SEC22C: variants seen among roughly 807,000 people sequenced by gnomAD.
SEC22C encodes the protein vesicle-trafficking protein SEC22c.
A neutral mutation model predicts 34.7 loss-of-function variants in SEC22C; 29 were observed. The ratio of observed to expected loss-of-function variants is 0.84; its 90% confidence interval spans 0.62 to 1.14. The LOEUF (loss-of-function observed/expected upper bound fraction) is 1.14, where lower values mean the gene tolerates loss of function less well. SEC22C is among the 50% of genes most tolerant of loss of function. The pLI is 0.00. For missense variants in SEC22C, 337 were observed against 369.0 expected, an observed-to-expected ratio of 0.91 and a Z score of 0.71; for synonymous variants, 117 against 132.8, an observed-to-expected ratio of 0.88 and a Z score of 0.82.
chr3:42,592,878 C>T (rs1301506528), intron 1 of SEC22C, among the ~76,000 whole-genome samples: 3 of 152,198 alleles, frequency 2.0e-5, no homozygotes, highest in Admixed American at 6.5e-5. Flanking sequence ...CCCCCCCCAC[C>T]GTAAACTTAT....
intron 1 of SEC22C, among the ~76,000 whole-genome samples, chr3:42,593,991 A>AG (rs760859825): frequency 1.3e-5 from 2 of 152,196 alleles, no homozygotes; most frequent in African/African-American, 4.8e-5. Flanking sequence ...GTGAGATCAG[A>AG]GGGGGACTGG....
chr3:42,553,978 G>C (rs141177148), intron 6 of SEC22C, among the ~76,000 whole-genome samples: 1 of 152,190 alleles, frequency 6.6e-6, no homozygotes, highest in East Asian at 1.9e-4. Context: ...CTCTGAGTCA[G>C]GGAAAGGTCT....
chr3:42,593,390 C>T (rs1298933866), intron 1 of SEC22C, among the ~76,000 whole-genome samples: 1 of 152,146 alleles, frequency 6.6e-6, no homozygotes, highest in Non-Finnish European at 1.5e-5. Context: ...GCACTCTAGC[C>T]TGGGTGACAG....
chr3:42,599,424 G>T (rs897300856), intron 1 of SEC22C, among the ~76,000 whole-genome samples: 9 of 151,420 alleles, frequency 5.9e-5, no homozygotes, highest in Admixed American at 1.3e-4. Context: ...CGGGCGCGGT[G>T]GCTCACGCCT....
chr3:42,586,066 C>G (rs1464431295), upstream of SEC22C, among the ~76,000 whole-genome samples: 1 of 152,208 alleles, frequency 6.6e-6, no homozygotes, highest in East Asian at 1.9e-4. Flanking sequence ...CCCCTCTCCC[C>G]TTTACAACCA....
At chr3:42,560,154 A>C (rs1295695712) in intron 4 of SEC22C, among the ~76,000 whole-genome samples, 1 of 145,362 alleles carries the variant, frequency 6.9e-6, no homozygotes. Context: ...TAATTGTTTT[A>C]TATATATTAT....
At position 42,553,054 on chromosome 3, in the gene SEC22C, G is replaced by A. The variant is rs1406134959; in HGVS notation, c.*194C>T. On this transcript the variant is annotated 3_prime_UTR_variant, in exon 7 of 7. Transcript: ENST00000264454. ...GGCTGGAGATCCTGCAGTAATGCTT[G>A]GCACAGAACCAAGGCTGGGTATCAA... 7.0e-7 allele frequency: 1 copy of A among 1,422,244 alleles called. No homozygotes were observed. The highest frequency in any genetic ancestry group is 2.6e-5 in the East Asian group (1 of 39,120). The allele number at this position is 1,422,244 out of a possible 1,614,324, so 88.1% of individuals were successfully genotyped here.
intron 3 of SEC22C, 70 bp downstream of exon 3, chr3:42,563,453 A>G: frequency 7.1e-7 from 1 of 1,403,456 alleles, no homozygotes; most frequent in Non-Finnish European, 9.8e-7. Flanking sequence ...TCAAAGCCAA[A>G]CCTAAACTGT....
intron 1 of SEC22C, chr3:42,590,980 C>A: frequency 1.5e-5 from 1 of 64,904 alleles, no homozygotes; most frequent in East Asian, 4.7e-4. Flanking sequence ...AGCATCCACG[C>A]GGGCGGGCGG....
chr3:42,569,290 T>C (rs1004513229), intron 1 of SEC22C, among the ~76,000 whole-genome samples: 1 of 152,208 alleles, frequency 6.6e-6, no homozygotes, highest in African/African-American at 2.4e-5. Flanking sequence ...GTAATTCTCT[T>C]TTTCTTTTTC....
Position 42,568,899 on chromosome 3 carries a change from G to A in SEC22C, c.148C>T (p.Arg50Ter), listed in dbSNP as rs775908304. The change falls in exon 2 of 7, where the codon CGA (arginine) becomes TGA (stop). Residue 50 changes from arginine (R) to a stop codon, truncating the protein, a stop_gained. Coordinates refer to ENST00000264454, the MANE Select transcript of SEC22C (RefSeq NM_032970.4). LOFTEE classifies it high-confidence loss of function. ...LALRLAQYPGRGSAEGCDFSI... is the reference protein window; with the variant it reads ...LALRLAQYPG ...AAGTCACAACCTTCTGCAGAACCTCGACCTGGATACTGGGCCAGTCGCAAG... is the reference window on the plus strand; with the variant it reads ...AAGTCACAACCTTCTGCAGAACCTCAACCTGGATACTGGGCCAGTCGCAAG... 8 of 1,614,090 alleles carry A rather than the reference G, an allele frequency of 5.0e-6. No individual in the cohort carries two copies. The highest frequency in any genetic ancestry group is 3.3e-5 in the South Asian group (3 of 91,072).
intron 1 of SEC22C, among the ~76,000 whole-genome samples, chr3:42,597,558 A>G: frequency 6.6e-6 from 1 of 151,074 alleles, no homozygotes; most frequent in South Asian, 2.1e-4. Flanking sequence ...TTTGTCTCAA[A>G]AAAAAAAAAA....
In SEC22C at chr3:42,578,007, T is replaced by C. The variant is rs186999494; in HGVS notation, c.-28+3839A>G. Among the ~76,000 whole-genome samples, 34 of 152,248 alleles carry C rather than the reference T, an allele frequency of 2.2e-4. No individual in the cohort carries two copies. The East Asian group carries it at 6.4e-3, about 28-fold the overall frequency. ...AAAAACAAAACACAGTTTGGCAGTT[T>C]CTTTTAAAACTAAACATGCAATTAT... On this transcript the variant is annotated intron_variant, in intron 1 of 6. Transcript: ENST00000264454.
intron 2 of SEC22C, chr3:42,565,744 A>C: frequency 8.3e-6 from 3 of 359,688 alleles, no homozygotes; most frequent in Non-Finnish European, 1.6e-5. Flanking sequence ...TTCTTCCTTA[A>C]AGTTTGTAGA....
chr3:42,564,534 T>A (rs1190405204), intron 2 of SEC22C: 2 of 152,270 alleles, frequency 1.3e-5, no homozygotes, highest in African/African-American at 4.8e-5. Context: ...TGTTTCAACC[T>A]TGGCTTAGGA....
chr3:42,560,968 A>G, intron 4 of SEC22C, 149 bp downstream of exon 4: 2 of 751,438 alleles, frequency 2.7e-6, no homozygotes, highest in Non-Finnish European at 4.2e-6. Context: ...AACAGCCACC[A>G]AGAAACAGGA....
chr3:42,563,993 C>T lies in SEC22C; in HGVS notation c.183-307G>A, dbSNP rs1198882360. ...GACTTCTCCACATCTATTGAGAAAA[C>T]GTTTTTCTTCTTTAATCTACATCAA... is the stretch of plus-strand genomic sequence containing the variant. On this transcript the variant is annotated intron_variant, in intron 2 of 6. Transcript: ENST00000264454. The T allele has an allele frequency of 1.2e-5, 15 of 1,221,462 alleles. No individual in the cohort carries two copies. In the East Asian group the frequency reaches 4.3e-4, roughly 35 times the overall value. The allele number at this position is 1,221,462 out of a possible 1,614,324, so 75.7% of individuals were successfully genotyped here.
intron 4 of SEC22C, among the ~76,000 whole-genome samples, chr3:42,558,214 ACACCTGTAATGCCAG>A (rs1289140421): frequency 2.0e-5 from 3 of 152,110 alleles, no homozygotes; most frequent in Non-Finnish European, 2.9e-5. Flanking sequence ...TTTTTGGCAC[ACACCTGTAATGCCAG>A]CACTCTGGGA....
chr3:42,599,496 T>C (rs1705184137), intron 1 of SEC22C, among the ~76,000 whole-genome samples: 1 of 149,372 alleles, frequency 6.7e-6, no homozygotes, highest in African/African-American at 2.5e-5. Context: ...ATCGAGACCA[T>C]CCCGGCTAAA....
Sources: allele counts gnomAD v4.1 joint callset (sites outside exome capture counted in the v4.1 genomes callset), GRCh38; gene constraint gnomAD v4.1.1; transcripts MANE v1.5; gene names NCBI Gene and HGNC (gene_info 2026-07-23, HGNC 2026-07-21).